Variants in PTK2 observed in about 807,000 individuals in gnomAD.
PTK2 encodes the protein focal adhesion kinase 1.
Under a neutral mutation model 150.1 loss-of-function variants are expected in PTK2, and 45 were observed. That is an observed-to-expected ratio of 0.30 (90% confidence interval 0.24 to 0.38). The LOEUF is 0.38. Among genes scored for constraint, PTK2 ranks in the 10% least tolerant of loss-of-function variants. The pLI, the probability that PTK2 is intolerant of heterozygous loss-of-function variation, is 1.00. For missense variants in PTK2, 919 were observed against 1,307.3 expected, an observed-to-expected ratio of 0.70 and a Z score of 4.58; for synonymous variants, 432 against 449.2, an observed-to-expected ratio of 0.96 and a Z score of 0.48.
intron 22 of PTK2, among the ~76,000 whole-genome samples, chr8:140,727,427 G>A (rs533880676): frequency 4.7e-5 from 7 of 150,504 alleles, no homozygotes; most frequent in Non-Finnish European, 7.4e-5. Context: ...TTAACTGTAC[G>A]TAGCTATAAT....
intron 2 of PTK2, among the ~76,000 whole-genome samples, chr8:140,900,211 C>A (rs1396135478): frequency 1.3e-5 from 2 of 152,146 alleles, no homozygotes; most frequent in African/African-American, 4.8e-5. Context: ...CACCAAAAAG[C>A]TTTAAGAACT....
intron 14 of PTK2, 145 bp downstream of exon 15, chr8:140,770,571 T>C (rs1004729424): frequency 4.3e-6 from 1 of 233,300 alleles, no homozygotes; most frequent in Non-Finnish European, 7.2e-6. Flanking sequence ...AATCCCCTTA[T>C]TGCTTCTGAA....
chr8:140,859,052 A>T (rs929280856), intron 5 of PTK2, among the ~76,000 whole-genome samples: 1 of 152,216 alleles, frequency 6.6e-6, no homozygotes, highest in Non-Finnish European at 1.5e-5. Flanking sequence ...TTATTTTTTT[A>T]AAATCTTCTT....
chr8:140,701,828 T>TTAAGTC (rs2100030641), intron 25 of PTK2, among the ~76,000 whole-genome samples: 1 of 152,056 alleles, frequency 6.6e-6, no homozygotes, highest in Non-Finnish European at 1.5e-5. Context: ...GATCTTTGAA[T>TTAAGTC]TAAGTCATTA....
At chr8:140,957,186 C>T (rs1380033791) in intron 1 of PTK2, among the ~76,000 whole-genome samples, 1 of 152,100 alleles carries the variant, frequency 6.6e-6, no homozygotes, top group Non-Finnish European at 1.5e-5. Context: ...ATCATCTTGG[C>T]ACTTTGGGAG....
At chr8:140,743,427 A>G in intron 19 of PTK2, 97 bp from the exon 23 acceptor site, 1 of 819,510 alleles carries the variant, frequency 1.2e-6, no homozygotes, top group Non-Finnish European at 2.0e-6. Context: ...TTTGAAAGAC[A>G]GCTTATATAC....
intron 26 of PTK2, among the ~76,000 whole-genome samples, chr8:140,697,869 T>TTTTTTG (rs1306372719): frequency 2.3e-4 from 32 of 138,940 alleles, no homozygotes; most frequent in African/African-American, 8.6e-4. Context: ...TTTTTTTTTT[T>TTTTTTG]TTTTTTTTTT....
chr8:140,894,757 T>C (rs1390568581), intron 2 of PTK2, among the ~76,000 whole-genome samples: 2 of 152,178 alleles, frequency 1.3e-5, no homozygotes, highest in African/African-American at 4.8e-5. Context: ...TGGTTACACA[T>C]GGGAGAGGTG....
chr8:140,871,619 C>T (rs80085735), intron 4 of PTK2, among the ~76,000 whole-genome samples: 4 of 152,200 alleles, frequency 2.6e-5, no homozygotes, highest in Admixed American at 6.5e-5. Context: ...GGTAACATAT[C>T]AAGACCTTGT....
At chr8:140,695,961 A>G (rs2100026276) in intron 26 of PTK2, among the ~76,000 whole-genome samples, 1 of 152,140 alleles carries the variant, frequency 6.6e-6, no homozygotes, top group Admixed American at 6.5e-5. Flanking sequence ...CTACTTCCCC[A>G]GGGTTCATGT....
At chr8:140,888,730 C>T (rs1168057600) in intron 3 of PTK2, among the ~76,000 whole-genome samples, 1 of 152,070 alleles carries the variant, frequency 6.6e-6, no homozygotes, top group Non-Finnish European at 1.5e-5. Context: ...CTGTTAAAAT[C>T]TTTCCTAGGT....
chr8:140,902,941 T>TTTG (rs1568517506), intron 2 of PTK2, among the ~76,000 whole-genome samples: 21 of 100,872 alleles, frequency 2.1e-4, no homozygotes, highest in Non-Finnish European at 3.9e-4. Context: ...TTTTTTTTTT[T>TTTG]TTTTTTTTTT....
At chr8:140,987,538 C>T (rs1236585280) in intron 1 of PTK2, among the ~76,000 whole-genome samples, 3 of 152,134 alleles carry the variant, frequency 2.0e-5, no homozygotes, top group Non-Finnish European at 4.4e-5. Flanking sequence ...GGCAAATAAC[C>T]ATATAAGAAG....
intron 2 of PTK2, among the ~76,000 whole-genome samples, chr8:140,891,558 A>G (rs2100154254): frequency 5.3e-5 from 8 of 152,204 alleles, no homozygotes; most frequent in Admixed American, 5.2e-4. Context: ...TTTTTCCCAC[A>G]GGGCATTTGC....
chr8:140,950,727 G>A (rs535482070), intron 1 of PTK2, among the ~76,000 whole-genome samples: 1 of 152,310 alleles, frequency 6.6e-6, no homozygotes, highest in South Asian at 2.1e-4. Flanking sequence ...TAGTAGTTAG[G>A]TTTTGGGGAG....
chr8:140,815,102 C>A (rs1048319096), intron 10 of PTK2, among the ~76,000 whole-genome samples: 1 of 151,966 alleles, frequency 6.6e-6, no homozygotes, highest in African/African-American at 2.4e-5. Context: ...GACACATATA[C>A]ATGTACGTCT....
chr8:140,675,515 AG>A lies in PTK2; in HGVS notation c.2563-17del. 6.3e-7 allele frequency: 1 copy of A among 1,590,560 alleles called. No homozygotes were observed. Among genetic ancestry groups the A allele is most frequent in the Non-Finnish European group, 8.6e-7 (1 of 1,158,816 alleles). On this transcript the variant is annotated splice_polypyrimidine_tract_variant and intron_variant, in intron 27 of 31. Transcript: ENST00000522684. ...GGTTTCCAATCTGTGGGAAAAGAAA[AG>A]TTCAGTCAATGCACTGGTATATACA...
At chr8:140,844,148 A>C (rs750810100) in intron 7 of PTK2, among the ~76,000 whole-genome samples, 2 of 152,202 alleles carry the variant, frequency 1.3e-5, no homozygotes, top group African/African-American at 2.4e-5. Flanking sequence ...CCACAGAGGT[A>C]AAGTGCCTTT....
chr8:140,794,337 T>C (rs1258427394), intron 12 of PTK2, among the ~76,000 whole-genome samples: 2 of 152,232 alleles, frequency 1.3e-5, no homozygotes, highest in African/African-American at 4.8e-5. Flanking sequence ...GTATCGTGTC[T>C]GTGGGGTGGT....
Sources: allele counts gnomAD v4.1 joint callset (sites outside exome capture counted in the v4.1 genomes callset), GRCh38; gene constraint gnomAD v4.1.1; transcripts MANE v1.5; gene names NCBI Gene and HGNC (gene_info 2026-07-23, HGNC 2026-07-21).